Variants in GALNT18 observed in about 807,000 individuals in gnomAD.
GALNT18 encodes the protein polypeptide N-acetylgalactosaminyltransferase 18.
A neutral mutation model predicts 69.5 loss-of-function variants in GALNT18; 44 were observed. The ratio of observed to expected loss-of-function variants is 0.63; its 90% CI spans 0.50 to 0.81. The LOEUF (loss-of-function observed/expected upper bound fraction) is 0.81, where lower values mean the gene tolerates loss of function less well. Among genes scored for constraint, GALNT18 ranks in the 40% least tolerant of loss-of-function variants. The pLI is 0.00. For missense variants in GALNT18, 715 were observed against 810.0 expected, an observed-to-expected ratio of 0.88 and a Z score of 1.42; for synonymous variants, 364 against 318.2, an observed-to-expected ratio of 1.14 and a Z score of -1.53.
chr11:11,317,393 T>G (rs574198485), intron 9 of GALNT18, among the ~76,000 whole-genome samples: 50 of 152,358 alleles, frequency 3.3e-4, no homozygotes, highest in African/African-American at 1.2e-3. Flanking sequence ...TAAGTTGCTC[T>G]ACAAAACTAT....
intron 1 of GALNT18, among the ~76,000 whole-genome samples, chr11:11,575,326 C>T (rs1478007538): frequency 6.6e-6 from 1 of 152,208 alleles, no homozygotes; most frequent in Non-Finnish European, 1.5e-5. Flanking sequence ...TTACTTCCTC[C>T]TGGCACCCCC....
intron 3 of GALNT18, among the ~76,000 whole-genome samples, chr11:11,424,848 G>A (rs1225427752): frequency 6.6e-6 from 1 of 152,152 alleles, no homozygotes; most frequent in African/African-American, 2.4e-5. Flanking sequence ...GTGGGGTAGC[G>A]GAGGACATTC....
Position 11,505,552 on chromosome 11 carries a change from C to T in GALNT18, c.236-56616G>A, listed in dbSNP as rs1415756444. Among the ~76,000 whole-genome samples the T allele has an allele frequency of 6.6e-6, 1 of 152,166 alleles. No individual in the cohort carries two copies. Among genetic ancestry groups the T allele is most frequent in the Non-Finnish European group, 1.5e-5 (1 of 68,042 alleles). On this transcript the variant is annotated intron_variant, in intron 1 of 10. Coordinates refer to ENST00000227756, the MANE Select transcript of GALNT18 (RefSeq NM_198516.3). The surrounding 1 kb of genome is among the most constrained non-coding windows in gnomAD (Gnocchi z 4.6). ...TGGCATCATCCTGGGTTGCATATTACAGCTTCCATTGCCTTACCACCTCCT... is the reference window on the plus strand; with the variant it reads ...TGGCATCATCCTGGGTTGCATATTATAGCTTCCATTGCCTTACCACCTCCT...
chr11:11,302,395 T>C (rs537996263), intron 9 of GALNT18, among the ~76,000 whole-genome samples: 1 of 152,238 alleles, frequency 6.6e-6, no homozygotes, highest in South Asian at 2.1e-4. Flanking sequence ...TTGCAAACTC[T>C]CCTGATCTAG....
At chr11:11,361,655 A>C (rs1354222473) in intron 6 of GALNT18, among the ~76,000 whole-genome samples, 1 of 152,148 alleles carries the variant, frequency 6.6e-6, no homozygotes, top group Non-Finnish European at 1.5e-5. Context: ...GCTTATACTC[A>C]CTGTTTATAG....
intron 1 of GALNT18, among the ~76,000 whole-genome samples, chr11:11,570,648 T>TA (rs1387164129): frequency 1.3e-5 from 2 of 152,230 alleles, no homozygotes; most frequent in African/African-American, 4.8e-5. Context: ...TTTCCCTACT[T>TA]ACACCTTGTT....
rs542424158 is a variant in GALNT18 at position 11,283,859 on chromosome 11, A to G, written c.1677+9170T>C. 1.1e-4 allele frequency among the ~76,000 whole-genome samples: 17 copies of G among 152,324 alleles called. 1 individual carries two copies. The South Asian group carries it at 2.9e-3, about 26-fold the overall frequency. On this transcript the variant is annotated intron_variant, in intron 10 of 10. Coordinates refer to ENST00000227756, the MANE Select transcript of GALNT18 (RefSeq NM_198516.3). ...TGAAAACCAAATTAAATATGGAAAC[A>G]TCAGCTAAAAGAAAAAAATCAAATT...
rs1304156938 is a variant in GALNT18, at chr11:11,387,776, G to C, written c.596-8512C>G. 6.6e-6 allele frequency among the ~76,000 whole-genome samples: 1 copy of C among 152,220 alleles called. No individual in the cohort carries two copies. The highest frequency in any genetic ancestry group is 2.1e-4 in the South Asian group (1 of 4,834). On this transcript the variant is annotated intron_variant, in intron 3 of 10. Transcript: ENST00000227756. This position sits in a 1 kb window ranked among gnomAD's most constrained non-coding sequence, Gnocchi z 4.6. ...CGCACCTCCATGGAGAATCTGGAGT[G>C]GGGGCTCAGGACTCAGATGGTCCTG...
rs1859627829 is a variant in GALNT18, at chr11:11,601,263, T to C, written c.235+20096A>G. 6.6e-6 allele frequency among the ~76,000 whole-genome samples: 1 copy of C among 152,236 alleles called. No homozygotes were observed. The highest frequency in any genetic ancestry group is 6.5e-5 in the Admixed American group (1 of 15,288). ...GATTAATCCCCCACCCAAGGACTTCTTGTTGTTGCACTATATACTTGTTTA... is the reference window on the plus strand; with the variant it reads ...GATTAATCCCCCACCCAAGGACTTCCTGTTGTTGCACTATATACTTGTTTA... On this transcript the variant is annotated intron_variant, in intron 1 of 10. Coordinates refer to ENST00000227756, the MANE Select transcript of GALNT18 (RefSeq NM_198516.3). The surrounding 1 kb of genome is among the most constrained non-coding windows in gnomAD (Gnocchi z 4.0).
At chr11:11,301,330 A>G (rs1016874457) in intron 9 of GALNT18, among the ~76,000 whole-genome samples, 9 of 152,162 alleles carry the variant, frequency 5.9e-5, no homozygotes, top group Non-Finnish European at 1.3e-4. Context: ...CCTCTTTTTC[A>G]AAGAACGAGC....
intron 1 of GALNT18, among the ~76,000 whole-genome samples, chr11:11,558,024 T>C (rs927948466): frequency 5.3e-5 from 8 of 152,222 alleles, no homozygotes; most frequent in African/African-American, 1.7e-4. Context: ...GAGGCAGGGG[T>C]GGATGGGCAC....
intron 1 of GALNT18, among the ~76,000 whole-genome samples, chr11:11,464,593 C>T (rs1369495423): frequency 6.6e-6 from 1 of 152,148 alleles, no homozygotes; most frequent in East Asian, 1.9e-4. Flanking sequence ...TTTCTGAGTA[C>T]CCACAGAAAA....
At chr11:11,517,137 T>G (rs1395596790) in intron 1 of GALNT18, among the ~76,000 whole-genome samples, 1 of 152,246 alleles carries the variant, frequency 6.6e-6, no homozygotes, top group Non-Finnish European at 1.5e-5. Context: ...TGCTGGGGCT[T>G]TGATCTTGGA....
At chr11:11,349,799 A>G (rs905089976) in intron 6 of GALNT18, among the ~76,000 whole-genome samples, 4 of 152,354 alleles carry the variant, frequency 2.6e-5, no homozygotes, top group South Asian at 2.1e-4. Flanking sequence ...AGTGTAAGAG[A>G]ACATTTAAAA....
chr11:11,286,291 CT>C (rs1351197757), intron 10 of GALNT18, among the ~76,000 whole-genome samples: 3 of 152,102 alleles, frequency 2.0e-5, no homozygotes, highest in Non-Finnish European at 4.4e-5. Context: ...ATATTTCCAC[CT>C]CTCTCCTCCA....
chr11:11,506,861 C>G (rs1007106257), intron 1 of GALNT18, among the ~76,000 whole-genome samples: 2 of 152,160 alleles, frequency 1.3e-5, no homozygotes, highest in African/African-American at 4.8e-5. Flanking sequence ...TGGAAAATGG[C>G]CAGCCTGTCC....
chr11:11,372,713 T>C lies in GALNT18; in HGVS notation c.978-84A>G. On this transcript the variant is annotated intron_variant, in intron 5 of 10. Coordinates refer to ENST00000227756, the MANE Select transcript of GALNT18 (RefSeq NM_198516.3). This position sits in a 1 kb window ranked among gnomAD's most constrained non-coding sequence, Gnocchi z 4.9. ...CAGTAAGGCCTTCCTATCAGGAGGG[T>C]CTGGTTCTCTTCCTTCCTTTGCTGC... is the stretch of plus-strand genomic sequence containing the variant. 7 of 1,038,800 alleles carry C rather than the reference T, an allele frequency of 6.7e-6. No homozygotes were observed. Among genetic ancestry groups the C allele is most frequent in the South Asian group, 1.3e-5 (1 of 75,546 alleles). The allele number at this position is 1,038,800 out of a possible 1,614,324, so 64.3% of individuals were successfully genotyped here.
At chr11:11,403,743 A>G (rs1854520436) in intron 3 of GALNT18, among the ~76,000 whole-genome samples, 1 of 152,076 alleles carries the variant, frequency 6.6e-6, no homozygotes, top group African/African-American at 2.4e-5. Context: ...CTCACCCTCA[A>G]CTGTGCTGTG....
chr11:11,356,899 C>T lies in GALNT18; in HGVS notation c.1092+15616G>A, dbSNP rs1296876015. Among the ~76,000 whole-genome samples the T allele has an allele frequency of 6.6e-6, 1 of 152,166 alleles. No homozygotes were observed. The highest frequency in any genetic ancestry group is 1.5e-5 in the Non-Finnish European group (1 of 68,030). On this transcript the variant is annotated intron_variant, in intron 6 of 10. Transcript: ENST00000227756. The surrounding 1 kb of genome is among the most constrained non-coding windows in gnomAD (Gnocchi z 4.4). ...GCACTTATCTTCACTAACCATAAAA[C>T]TTTTACAACGTACTTTTAAACTGCG...
Sources: gnomAD v4.1 joint callset for allele counts (sites outside exome capture counted in the v4.1 genomes callset) on GRCh38, gnomAD v4.1.1 for gene constraint, Gnocchi (gnomAD v3.1) non-coding constraint, MANE v1.5 for transcripts, NCBI Gene and HGNC (gene_info 2026-07-23, HGNC 2026-07-21) for gene names.